The following GRM7 variants were observed in gnomAD, a reference collection of about 807,000 sequenced individuals.
The protein encoded by GRM7 is glutamate metabotropic receptor 7.
A neutral mutation model predicts 84.5 loss-of-function variants in GRM7; 35 were observed. The observed-to-expected ratio is 0.41, with a 90% CI of 0.32 to 0.55. GRM7 has a LOEUF of 0.55. GRM7 is among the 20% of genes least tolerant of loss of function. The pLI is 0.19. For missense variants in GRM7, 1,003 were observed against 1,194.6 expected, an observed-to-expected ratio of 0.84 and a Z score of 2.36; for synonymous variants, 487 against 455.1, an observed-to-expected ratio of 1.07 and a Z score of -0.89.
rs1487501053 is a variant in GRM7, at chr3:7,727,072, A to C, written c.2699-13285A>C. On this transcript the variant is annotated intron_variant, in intron 9 of 9. Coordinates refer to ENST00000357716, the MANE Select transcript of GRM7 (RefSeq NM_000844.4). The stretch of plus-strand genomic sequence containing the variant: ...TTTGATGCAGTTTTAATTACAGAAT[A>C]CTCACAATTTTCAAACATGTCCTTT... Among the ~76,000 whole-genome samples the C allele has an allele frequency of 6.6e-5, 10 of 152,102 alleles. No homozygotes were observed. In the South Asian group the frequency reaches 2.1e-3, roughly 32 times the overall value.
chr3:7,124,183 G>A (rs1389971957), intron 1 of GRM7, among the ~76,000 whole-genome samples: 3 of 152,118 alleles, frequency 2.0e-5, no homozygotes, highest in Non-Finnish European at 2.9e-5. Context: ...CATTAAATCA[G>A]AAATTCTATA....
intron 4 of GRM7, among the ~76,000 whole-genome samples, chr3:7,339,488 C>T (rs1701553796): frequency 6.6e-6 from 1 of 152,096 alleles, no homozygotes; most frequent in African/African-American, 2.4e-5. Context: ...TATAACACTC[C>T]CTGTGGAGTA....
intron 2 of GRM7, among the ~76,000 whole-genome samples, chr3:7,193,516 A>G (rs1015547898): frequency 2.6e-5 from 4 of 152,128 alleles, no homozygotes; most frequent in Non-Finnish European, 5.9e-5. Flanking sequence ...TCTGATTTCC[A>G]TTGTGCAAGT....
chr3:7,082,102 T>A (rs752870261), intron 1 of GRM7, among the ~76,000 whole-genome samples: 1 of 152,104 alleles, frequency 6.6e-6, no homozygotes, highest in African/African-American at 2.4e-5. Flanking sequence ...AAACAACATA[T>A]TTTCAATGCA....
chr3:7,142,641 A>G (rs1693984315), intron 1 of GRM7, among the ~76,000 whole-genome samples: 1 of 152,126 alleles, frequency 6.6e-6, no homozygotes, highest in African/African-American at 2.4e-5. Flanking sequence ...TTGGGTGGGG[A>G]TACAAAGCCT....
chr3:7,667,421 G>A (rs866723795), intron 8 of GRM7, among the ~76,000 whole-genome samples: 3 of 151,938 alleles, frequency 2.0e-5, no homozygotes, highest in Admixed American at 2.0e-4. Flanking sequence ...AGGAGACTTC[G>A]GTATTTTATT....
Position 6,984,820 on chromosome 3 carries a change from C to T in GRM7, c.519+122913C>T, listed in dbSNP as rs535778059. On this transcript the variant is annotated intron_variant, in intron 1 of 9. Coordinates refer to ENST00000357716, the MANE Select transcript of GRM7 (RefSeq NM_000844.4). ...GTAAGGTCCTAGATTGTGAAGGAGG[C>T]ATTCCTGGGGCAGAATAAAGCTTTT... Among the ~76,000 whole-genome samples, 9 of 152,282 alleles carry T rather than the reference C, an allele frequency of 5.9e-5. No individual in the cohort carries two copies. The South Asian group carries it at 1.9e-3, about 32-fold the overall frequency.
At chr3:7,107,285 G>T (rs914264948) in intron 1 of GRM7, among the ~76,000 whole-genome samples, 1 of 152,018 alleles carries the variant, frequency 6.6e-6, no homozygotes, top group Non-Finnish European at 1.5e-5. Flanking sequence ...ATAGGTGTCT[G>T]ATGCCTAGTA....
intron 1 of GRM7, among the ~76,000 whole-genome samples, chr3:7,089,870 T>C (rs1698600414): frequency 6.6e-6 from 1 of 151,962 alleles, no homozygotes; most frequent in South Asian, 2.1e-4. Flanking sequence ...TGAGATGGAG[T>C]CTCCCTCTGT....
At chr3:7,491,309 T>C (rs1461685195) in intron 7 of GRM7, among the ~76,000 whole-genome samples, 1 of 152,106 alleles carries the variant, frequency 6.6e-6, no homozygotes, top group East Asian at 1.9e-4. Flanking sequence ...TTGTTAGCTT[T>C]TTGTTGGAGC....
chr3:6,881,597 GA>G (rs34773999), intron 1 of GRM7, among the ~76,000 whole-genome samples: 58,414 of 147,726 alleles, frequency 0.4, 12,027 homozygotes, highest in South Asian at 0.56. Context: ...AAATTTTAAA[GA>G]AAAAAAAAAC....
At chr3:7,081,908 GA>G (rs1559426839) in intron 1 of GRM7, among the ~76,000 whole-genome samples, 1 of 152,092 alleles carries the variant, frequency 6.6e-6, no homozygotes, top group African/African-American at 2.4e-5. Flanking sequence ...AAGGCTGAAA[GA>G]AGTGAGAGAG....
intron 2 of GRM7, among the ~76,000 whole-genome samples, chr3:7,279,596 T>G (rs1042267947): frequency 2.0e-5 from 3 of 152,048 alleles, no homozygotes; most frequent in Non-Finnish European, 4.4e-5. Context: ...ATAGTAGAAT[T>G]CAATAAATGT....
chr3:7,736,826 G>A (rs3804807), intron 9 of GRM7, among the ~76,000 whole-genome samples: 20,622 of 152,062 alleles, frequency 0.14, 2,298 homozygotes, highest in African/African-American at 0.31. Flanking sequence ...ATCACTTCAT[G>A]TATGTTCTTA....
chr3:7,686,466 T>A (rs1700589701), intron 9 of GRM7: 2 of 1,077,970 alleles, frequency 1.9e-6, no homozygotes, highest in Non-Finnish European at 2.9e-6. Flanking sequence ...AACAATCTAA[T>A]TCTTATTTAT....
At chr3:7,109,468 A>G (rs1692768757) in intron 1 of GRM7, among the ~76,000 whole-genome samples, 1 of 152,072 alleles carries the variant, frequency 6.6e-6, no homozygotes, top group South Asian at 2.1e-4. Context: ...GTTAATTCTC[A>G]CCATTTTTAC....
chr3:6,967,099 C>A (rs1241221539), intron 1 of GRM7, among the ~76,000 whole-genome samples: 1 of 152,198 alleles, frequency 6.6e-6, no homozygotes, highest in Non-Finnish European at 1.5e-5. Flanking sequence ...ATTTTATTGA[C>A]TTTCAACCAG....
chr3:7,707,135 C>T (rs1028438206), intron 9 of GRM7, among the ~76,000 whole-genome samples: 5 of 152,104 alleles, frequency 3.3e-5, no homozygotes, highest in Admixed American at 6.6e-5. Context: ...TTCTACCTTG[C>T]GCAGAAGTAA....
chr3:7,324,989 G>A (rs1546236), intron 4 of GRM7, among the ~76,000 whole-genome samples: 62,795 of 151,668 alleles, frequency 0.41, 12,996 homozygotes, highest in Middle Eastern at 0.49. Flanking sequence ...TAGCAGGCTA[G>A]CACTTTCTCA....
Sources: allele counts gnomAD v4.1 joint callset (sites outside exome capture counted in the v4.1 genomes callset), GRCh38; gene constraint gnomAD v4.1.1; transcripts MANE v1.5; gene names NCBI Gene and HGNC (gene_info 2026-07-23, HGNC 2026-07-21).